Variants in NEMP2 observed in about 807,000 individuals in gnomAD.
The protein encoded by NEMP2 is nuclear envelope integral membrane protein 2, also known as UPF0571 transmembrane protein.
NEMP2 carries 53 observed loss-of-function variants against 54.2 expected under a neutral mutation model. The observed-to-expected ratio is 0.98, with a 90% CI of 0.78 to 1.23. NEMP2 has a LOEUF of 1.23. Ranked by LOEUF, NEMP2 falls within the 50% of genes most tolerant of loss-of-function variation. The pLI, the probability that NEMP2 is intolerant of heterozygous loss-of-function variation, is 0.00. For missense variants in NEMP2, 455 were observed against 511.3 expected (o/e 0.89, Z 1.06); for synonymous variants, 197 against 190.3 (o/e 1.04, Z -0.29).
At chr2:190,464,642 T>A in the NEMP2 span, among the ~76,000 whole-genome samples, 2 of 152,302 alleles carry the variant, frequency 1.3e-5, no homozygotes, top group Admixed American at 1.3e-4. Flanking sequence ...GGCCAACCAC[T>A]TCTAACTCAG....
the NEMP2 span, among the ~76,000 whole-genome samples, chr2:190,616,503 A>AT: frequency 6.6e-6 from 1 of 152,264 alleles, no homozygotes; most frequent in African/African-American, 2.4e-5. This position sits in a 1 kb window ranked among gnomAD's most constrained non-coding sequence, Gnocchi z 5.1. Context: ...CTCAAGTTGT[A>AT]TTTGATTAGA....
the NEMP2 span, among the ~76,000 whole-genome samples, chr2:190,598,083 T>G: frequency 1.3e-5 from 2 of 152,146 alleles, no homozygotes; most frequent in African/African-American, 4.8e-5. Context: ...TTCAGCAGCA[T>G]CCCTGACTCC....
At chr2:190,467,034 C>A in the NEMP2 span, among the ~76,000 whole-genome samples, 1 of 152,222 alleles carries the variant, frequency 6.6e-6, no homozygotes, top group African/African-American at 2.4e-5. The surrounding 1 kb of genome is among the most constrained non-coding windows in gnomAD (Gnocchi z 5.5). Context: ...GTTGTCATGG[C>A]AACCCTGATT....
chr2:190,618,204 T>G, the NEMP2 span, among the ~76,000 whole-genome samples: 89 of 152,352 alleles, frequency 5.8e-4, no homozygotes, highest in South Asian at 0.013. Context: ...TTTGGCTGTT[T>G]GCCTCATTGT....
chr2:190,561,213 C>G, the NEMP2 span, among the ~76,000 whole-genome samples: 1 of 152,154 alleles, frequency 6.6e-6, no homozygotes, highest in African/African-American at 2.4e-5. The surrounding 1 kb of genome is among the most constrained non-coding windows in gnomAD (Gnocchi z 5.4). Context: ...CCCTTCTTCT[C>G]CAATCATCCT....
At chr2:190,621,185 T>C in the NEMP2 span, among the ~76,000 whole-genome samples, 3 of 152,244 alleles carry the variant, frequency 2.0e-5, no homozygotes, top group Non-Finnish European at 2.9e-5. Context: ...GGTGATTTTG[T>C]TGTCATGCGA....
Position 190,531,322 on chromosome 2 carries a change from G to C in NEMP2, c.97+3237C>G, listed in dbSNP as rs1374121169. Among the ~76,000 whole-genome samples the C allele has an allele frequency of 2.0e-5, 3 of 152,122 alleles. No individual in the cohort carries two copies. The highest frequency in any genetic ancestry group is 7.2e-5 in the African/African-American group (3 of 41,416). ...GATCTGGAAGTGTAGGCTATCCCAG[G>C]TTTGCCTCAACCCTCAAGGACTGAG... On this transcript the variant is annotated intron_variant, in intron 1 of 8. Transcript: ENST00000409150. The surrounding 1 kb of genome is among the most constrained non-coding windows in gnomAD (Gnocchi z 4.7).
the NEMP2 span, among the ~76,000 whole-genome samples, chr2:190,589,453 T>C: frequency 2.6e-5 from 4 of 152,154 alleles, no homozygotes; most frequent in Admixed American, 6.6e-5. The surrounding 1 kb of genome is among the most constrained non-coding windows in gnomAD (Gnocchi z 4.3). Context: ...ATGTCACATT[T>C]AAGAACACAA....
the NEMP2 span, among the ~76,000 whole-genome samples, chr2:190,480,550 A>C: frequency 6.6e-5 from 10 of 152,328 alleles, no homozygotes; most frequent in African/African-American, 2.4e-4. Flanking sequence ...CTGTAAAATC[A>C]CCCATGTATT....
At chr2:190,560,282 A>G in the NEMP2 span, among the ~76,000 whole-genome samples, 1 of 152,182 alleles carries the variant, frequency 6.6e-6, no homozygotes, top group East Asian at 1.9e-4. This position sits in a 1 kb window ranked among gnomAD's most constrained non-coding sequence, Gnocchi z 5.4. Flanking sequence ...GAGGCAAATC[A>G]TGAATGCAGT....
At chr2:190,604,105 A>C in the NEMP2 span, among the ~76,000 whole-genome samples, 1 of 152,370 alleles carries the variant, frequency 6.6e-6, no homozygotes, top group Non-Finnish European at 1.5e-5. This position sits in a 1 kb window ranked among gnomAD's most constrained non-coding sequence, Gnocchi z 4.5. Context: ...CTAGTTGTGA[A>C]TAAGCAGCTA....
the NEMP2 span, among the ~76,000 whole-genome samples, chr2:190,429,937 G>T: frequency 6.6e-6 from 1 of 151,794 alleles, no homozygotes; most frequent in Non-Finnish European, 1.5e-5. Flanking sequence ...ATGTTGGTGT[G>T]CTGCACCCAT....
At position 190,513,444 on chromosome 2, in the gene NEMP2, C is replaced by T. The variant is rs12052514; in HGVS notation, c.953+1009G>A. The stretch of plus-strand genomic sequence containing the variant: ...TGGTTACTGCTGCCTTACCCCTGCT[C>T]AGCATCACTCACCATAGTATCTGCC... On this transcript the variant is annotated intron_variant, in intron 7 of 8. Transcript: ENST00000409150. This position sits in a 1 kb window ranked among gnomAD's most constrained non-coding sequence, Gnocchi z 5.3. Among the ~76,000 whole-genome samples the T allele has an allele frequency of 0.18, 27,739 of 152,108 alleles. 2,703 individuals carry two copies. The highest frequency in any genetic ancestry group is 0.3 in the East Asian group (1,569 of 5,156).
the NEMP2 span, among the ~76,000 whole-genome samples, chr2:190,476,581 T>C: frequency 6.6e-6 from 1 of 152,078 alleles, no homozygotes; most frequent in Admixed American, 6.5e-5. Context: ...TGTGGAGAAA[T>C]AGGAACACTT....
chr2:190,596,843 C>T, the NEMP2 span, among the ~76,000 whole-genome samples: 1 of 152,062 alleles, frequency 6.6e-6, no homozygotes, highest in Non-Finnish European at 1.5e-5. The surrounding 1 kb of genome is among the most constrained non-coding windows in gnomAD (Gnocchi z 5.1). Context: ...TATAAATATA[C>T]AAATGACATT....
the NEMP2 span, among the ~76,000 whole-genome samples, chr2:190,422,638 C>T: frequency 6.6e-6 from 1 of 152,102 alleles, no homozygotes; most frequent in Non-Finnish European, 1.5e-5. Context: ...TAAGGTAATT[C>T]GTTTGTCCCA....
chr2:190,489,923 C>A, the NEMP2 span: 1 of 1,364,620 alleles, frequency 7.3e-7, no homozygotes, highest in Admixed American at 2.5e-5. The surrounding 1 kb of genome is among the most constrained non-coding windows in gnomAD (Gnocchi z 6.6). Flanking sequence ...GGGAAGTCAA[C>A]AAATGCCCCG....
the NEMP2 span, among the ~76,000 whole-genome samples, chr2:190,497,054 G>A: frequency 6.6e-6 from 1 of 152,072 alleles, no homozygotes; most frequent in African/African-American, 2.4e-5. The surrounding 1 kb of genome is among the most constrained non-coding windows in gnomAD (Gnocchi z 5.2). Flanking sequence ...AAAACCTGTG[G>A]GAATAAAACA....
chr2:190,585,687 ATCTCCCT>A, the NEMP2 span, among the ~76,000 whole-genome samples: 1 of 152,142 alleles, frequency 6.6e-6, no homozygotes, highest in Non-Finnish European at 1.5e-5. This position sits in a 1 kb window ranked among gnomAD's most constrained non-coding sequence, Gnocchi z 5.3. Context: ...CTCAGGTATC[ATCTCCCT>A]AAAGGATCAT....
Sources: gnomAD v4.1 joint callset for allele counts (sites outside exome capture counted in the v4.1 genomes callset) on GRCh38, gnomAD v4.1.1 for gene constraint, Gnocchi (gnomAD v3.1) non-coding constraint, MANE v1.5 for transcripts, NCBI Gene and HGNC (gene_info 2026-07-23, HGNC 2026-07-21) for gene names.